The following ADAMTSL1 variants were observed in gnomAD, a reference collection of about 807,000 sequenced individuals.
ADAMTSL1 encodes the protein ADAMTS-like protein 1.
Under a neutral mutation model 201.8 loss-of-function variants are expected in ADAMTSL1, and 126 were observed. The ratio of observed to expected loss-of-function variants is 0.62; its 90% CI spans 0.54 to 0.72. The LOEUF (loss-of-function observed/expected upper bound fraction) is 0.72, where lower values mean the gene tolerates loss of function less well. Ranked by LOEUF, ADAMTSL1 falls within the 30% of genes least tolerant of loss-of-function variation. The pLI is 0.00. For missense variants in ADAMTSL1, 2,679 were observed against 2,277.8 expected, an observed-to-expected ratio of 1.18 and a Z score of -3.59; for synonymous variants, 1,121 against 903.4, an observed-to-expected ratio of 1.24 and a Z score of -4.32.
chr9:18,136,442 C>G (rs115610293), intron 1 of ADAMTSL1, among the ~76,000 whole-genome samples: 1 of 152,094 alleles, frequency 6.6e-6, no homozygotes, highest in African/African-American at 2.4e-5. Context: ...ATAATATTAA[C>G]ACGAAAAACA....
intron 18 of ADAMTSL1, among the ~76,000 whole-genome samples, chr9:18,776,407 T>A (rs948867195): frequency 2.0e-5 from 3 of 152,224 alleles, no homozygotes; most frequent in Non-Finnish European, 4.4e-5. Context: ...TTAAAAATTA[T>A]TTTAATGAGA....
At chr9:18,810,879 A>T (rs1823457780) in intron 20 of ADAMTSL1, among the ~76,000 whole-genome samples, 1 of 152,130 alleles carries the variant, frequency 6.6e-6, no homozygotes, top group African/African-American at 2.4e-5. Context: ...GGAGAATAAA[A>T]AGTAAAGGGA....
chr9:18,361,851 G>A (rs909897474), intron 2 of ADAMTSL1, among the ~76,000 whole-genome samples: 1 of 152,150 alleles, frequency 6.6e-6, no homozygotes, highest in Non-Finnish European at 1.5e-5. Flanking sequence ...GTTTTAGCCT[G>A]CATTACAAAT....
chr9:17,970,313 C>G (rs549440063), intron 1 of ADAMTSL1, among the ~76,000 whole-genome samples: 2 of 152,172 alleles, frequency 1.3e-5, no homozygotes, highest in South Asian at 4.1e-4. Context: ...ACCCCAACTG[C>G]CCTGTTAGCT....
chr9:18,220,257 G>C (rs1830205953), intron 2 of ADAMTSL1, among the ~76,000 whole-genome samples: 1 of 152,094 alleles, frequency 6.6e-6, no homozygotes, highest in Non-Finnish European at 1.5e-5. Flanking sequence ...TCATGGAACT[G>C]TTTTGCTCTT....
At chr9:17,994,122 T>TGTGTG (rs1819277809) in intron 1 of ADAMTSL1, among the ~76,000 whole-genome samples, 1 of 141,880 alleles carries the variant, frequency 7.0e-6, no homozygotes, top group Non-Finnish European at 1.5e-5. Context: ...GTGTGTGTGT[T>TGTGTG]TCTATATAGT....
At chr9:18,173,317 T>G (rs892495190) in intron 2 of ADAMTSL1, among the ~76,000 whole-genome samples, 6 of 152,070 alleles carry the variant, frequency 3.9e-5, no homozygotes, top group African/African-American at 1.4e-4. Context: ...TGCCTCACAA[T>G]ATAATTAAGC....
chr9:17,908,460 CTT>C (rs541822002), intron 1 of ADAMTSL1, among the ~76,000 whole-genome samples: 1 of 145,572 alleles, frequency 6.9e-6, no homozygotes, highest in Non-Finnish European at 1.5e-5. Context: ...CTTAATGTGA[CTT>C]TTTTTTTTTT....
At chr9:18,903,789 C>A (rs148684811) in intron 26 of ADAMTSL1, among the ~76,000 whole-genome samples, 1 of 151,986 alleles carries the variant, frequency 6.6e-6, no homozygotes, top group African/African-American at 2.4e-5. Context: ...TCTCACAGAA[C>A]CCGCATATAC....
chr9:18,711,658 C>T (rs376449739), intron 14 of ADAMTSL1, among the ~76,000 whole-genome samples: 6 of 151,936 alleles, frequency 3.9e-5, no homozygotes, highest in South Asian at 2.1e-4. Context: ...AAGGTGGCAG[C>T]GAGGCTGGGG....
chr9:18,854,250 A>G (rs1268006875), intron 23 of ADAMTSL1, among the ~76,000 whole-genome samples: 2 of 152,096 alleles, frequency 1.3e-5, no homozygotes, highest in Admixed American at 1.3e-4. Flanking sequence ...ACACACACAC[A>G]CACCCCTTCC....
chr9:17,914,175 G>A (rs1380180636), intron 1 of ADAMTSL1, among the ~76,000 whole-genome samples: 2 of 152,110 alleles, frequency 1.3e-5, no homozygotes, highest in South Asian at 2.1e-4. Flanking sequence ...ATTTTATGAG[G>A]CCAGCATCAT....
intron 1 of ADAMTSL1, among the ~76,000 whole-genome samples, chr9:18,152,833 A>T (rs1826977652): frequency 6.6e-6 from 1 of 152,048 alleles, no homozygotes; most frequent in African/African-American, 2.4e-5. Context: ...ACACTGTCTT[A>T]GAAGTACTTG....
intron 2 of ADAMTSL1, among the ~76,000 whole-genome samples, chr9:18,223,061 T>G (rs1000224892): frequency 9.9e-5 from 15 of 152,016 alleles, no homozygotes; most frequent in Admixed American, 2.6e-4. Context: ...CCTCATTCAT[T>G]TGGGGAGGGA....
At chr9:18,342,356 A>G (rs1360218756) in intron 2 of ADAMTSL1, among the ~76,000 whole-genome samples, 1 of 152,114 alleles carries the variant, frequency 6.6e-6, no homozygotes, top group Non-Finnish European at 1.5e-5. Flanking sequence ...TTGGTTAGTA[A>G]GTTTCAGACA....
chr9:18,202,545 G>A (rs902298049), intron 2 of ADAMTSL1, among the ~76,000 whole-genome samples: 1 of 152,096 alleles, frequency 6.6e-6, no homozygotes, highest in Non-Finnish European at 1.5e-5. Context: ...ATGTTATTCT[G>A]TCTCCCACAC....
chr9:18,499,905 A>G (rs1236093534), intron 1 of ADAMTSL1, among the ~76,000 whole-genome samples: 1 of 152,188 alleles, frequency 6.6e-6, no homozygotes, highest in Admixed American at 6.5e-5. Context: ...TTAATTTCAT[A>G]TAGCTTGACC....
chr9:18,829,752 A>T, intron 22 of ADAMTSL1, 91 bp from the exon 23 acceptor site: 1 of 1,521,586 alleles, frequency 6.6e-7, no homozygotes, highest in Non-Finnish European at 9.0e-7. Context: ...ATACGCATAC[A>T]TGTGCACACA....
intron 23 of ADAMTSL1, among the ~76,000 whole-genome samples, chr9:18,882,308 G>T (rs556998747): frequency 7.9e-5 from 12 of 152,174 alleles, no homozygotes; most frequent in Non-Finnish European, 8.8e-5. Context: ...AGGATTCATG[G>T]AGCCAGCACC....
Sources: allele counts gnomAD v4.1 joint callset (sites outside exome capture counted in the v4.1 genomes callset), GRCh38; gene constraint gnomAD v4.1.1; transcripts MANE v1.5; gene names NCBI Gene and HGNC (gene_info 2026-07-23, HGNC 2026-07-21).